Variants in TBC1D23 observed in about 807,000 individuals in gnomAD.
TBC1D23 encodes the protein HCV non-structural protein 4A-transactivated protein 1.
TBC1D23 carries 55 observed loss-of-function variants against 91.4 expected under a neutral mutation model. That is an observed-to-expected ratio of 0.60 (90% CI 0.48 to 0.75). The LOEUF (loss-of-function observed/expected upper bound fraction) is 0.75. Among genes scored for constraint, TBC1D23 ranks in the 30% least tolerant of loss-of-function variants. The probability of loss-of-function intolerance (pLI) is 0.00; values close to 1 mark genes in which losing one functional copy is unlikely to be tolerated. For synonymous variants in TBC1D23, 289 were observed against 281.0 expected, an observed-to-expected ratio of 1.03 and a Z score of -0.28; for missense variants, 725 against 836.1, an observed-to-expected ratio of 0.87 and a Z score of 1.64.
chr3:100,266,030 A>G (rs913709859), intron 1 of TBC1D23, among the ~76,000 whole-genome samples: 1 of 152,154 alleles, frequency 6.6e-6, no homozygotes, highest in Non-Finnish European at 1.5e-5. Flanking sequence ...ATGTAAAAGA[A>G]AAAGGAACTG....
chr3:100,265,676 A>G (rs920602589), intron 1 of TBC1D23, among the ~76,000 whole-genome samples: 2 of 152,198 alleles, frequency 1.3e-5, no homozygotes, highest in South Asian at 2.1e-4. Flanking sequence ...CTTCAATTAT[A>G]TAACTGTTGA....
chr3:100,288,808 A>T (rs1437312809), intron 4 of TBC1D23, among the ~76,000 whole-genome samples: 2 of 152,232 alleles, frequency 1.3e-5, no homozygotes, highest in African/African-American at 4.8e-5. Context: ...GTCTAACTGA[A>T]GATTGAGTTA....
intron 18 of TBC1D23, among the ~76,000 whole-genome samples, chr3:100,321,616 C>T (rs1209290475): frequency 6.6e-6 from 1 of 152,106 alleles, no homozygotes; most frequent in Non-Finnish European, 1.5e-5. Flanking sequence ...TCAAGTTGTT[C>T]CCCCACTGGG....
At position 100,302,143 on chromosome 3, in the gene TBC1D23, G is replaced by T. The variant is rs1234803529; in HGVS notation, c.1169G>T (p.Gly390Val). 1 of 1,614,052 alleles carries T rather than the reference G, an allele frequency of 6.2e-7. No individual in the cohort carries two copies. Among genetic ancestry groups the T allele is most frequent in the Non-Finnish European group, 8.5e-7 (1 of 1,179,942 alleles). ...GCACAGAAGCAGTCCATTGAGTCTG[G>T]CTCCATAGCTGGTGGGGAGCACCTC... is the stretch of plus-strand genomic sequence containing the variant. ...LEAQKQSIESGSIAGGEHLCF... is the reference protein window; with the variant it reads ...LEAQKQSIESVSIAGGEHLCF... The change falls in exon 11 of 19, where the codon GGC becomes GTC. Residue 390 changes from glycine (G) to valine (V), a missense_variant. Coordinates refer to ENST00000394144, the MANE Select transcript of TBC1D23 (RefSeq NM_001199198.3).
intron 15 of TBC1D23, 72 bp from the exon 16 acceptor site, chr3:100,316,019 GAATATTCA>G: frequency 8.7e-7 from 1 of 1,147,886 alleles, no homozygotes; most frequent in Non-Finnish European, 1.3e-6. Flanking sequence ...CATTTTGTGT[GAATATTCA>G]AATGATGCTT....
intron 1 of TBC1D23, among the ~76,000 whole-genome samples, chr3:100,274,573 C>T (rs1004180064): frequency 6.6e-6 from 1 of 151,816 alleles, no homozygotes; most frequent in Non-Finnish European, 1.5e-5. Flanking sequence ...TCCTCATTCT[C>T]CCCTCCCTCT....
chr3:100,316,088 T>A lies in TBC1D23; in HGVS notation c.1599-11T>A. On this transcript the variant is annotated splice_polypyrimidine_tract_variant and intron_variant, in intron 15 of 18. Transcript: ENST00000394144. Reference sequence around the variant, plus strand: ...AGTGATTATTTCTCTCCTAAAATTCTTTGAATATAGGCATGTGAGCAGCAG... The same window carrying A: ...AGTGATTATTTCTCTCCTAAAATTCATTGAATATAGGCATGTGAGCAGCAG... The A allele has an allele frequency of 6.2e-7, 1 of 1,605,476 alleles. No individual in the cohort carries two copies. Among genetic ancestry groups the A allele is most frequent in the Non-Finnish European group, 8.5e-7 (1 of 1,172,176 alleles).
chr3:100,312,672 A>C (rs1166170039), intron 15 of TBC1D23, among the ~76,000 whole-genome samples: 1 of 152,188 alleles, frequency 6.6e-6, no homozygotes, highest in Non-Finnish European at 1.5e-5. Flanking sequence ...TATCAATTAC[A>C]GCAACACCTA....
chr3:100,266,650 A>G (rs926452853), intron 1 of TBC1D23, among the ~76,000 whole-genome samples: 12 of 152,162 alleles, frequency 7.9e-5, no homozygotes, highest in Non-Finnish European at 1.5e-4. Context: ...TGAGTTAGTA[A>G]TTGGTTTTTG....
Position 100,304,854 on chromosome 3 carries a change from A to G in TBC1D23, c.1272A>G (p.Lys424=). ...TTTCTTTTCCATTACAGAAAAACAA[A>G]GAATATGTGAGTATTGCCAGTGGAG... ...MVLAHFLQKN[K]EYVSIASGGF... The change falls in exon 12 of 19, where the codon AAA becomes AAG. Residue 424 remains lysine, a synonymous_variant. Coordinates refer to ENST00000394144, the MANE Select transcript of TBC1D23 (RefSeq NM_001199198.3). 1.3e-6 allele frequency: 2 copies of G among 1,491,732 alleles called. No individual in the cohort carries two copies. Among genetic ancestry groups the G allele is most frequent in the Non-Finnish European group, 9.3e-7 (1 of 1,072,188 alleles). 92.4% of individuals were successfully genotyped at this position (1,491,732 alleles called of 1,614,324 possible).
At chr3:100,281,620 T>G in intron 2 of TBC1D23, 122 bp from the exon 3 acceptor site, 1 of 607,394 alleles carries the variant, frequency 1.6e-6, no homozygotes, top group Non-Finnish European at 2.9e-6. Flanking sequence ...TGGTGGAGTA[T>G]GGATACCTTA....
chr3:100,300,896 T>C (rs948415767), intron 10 of TBC1D23, among the ~76,000 whole-genome samples: 2 of 152,224 alleles, frequency 1.3e-5, no homozygotes, highest in South Asian at 4.1e-4. Flanking sequence ...CACTTGATTT[T>C]TCACGTAACA....
At chr3:100,295,380 C>G (rs910677775) in intron 7 of TBC1D23, 32 bp downstream of exon 7, 1 of 1,559,058 alleles carries the variant, frequency 6.4e-7, no homozygotes, top group African/African-American at 1.4e-5. Flanking sequence ...GAAAACATTT[C>G]AGGTCTCTTT....
Position 100,300,498 on chromosome 3 carries a change from ATT to A in TBC1D23, c.1092+1186_1092+1187del, listed in dbSNP as rs66553332. ...AAGTGATTCATGAATACTTGAATTA[ATT>A]TTTTTTTTTTTTTTTTTTGAGACAG... On this transcript the variant is annotated intron_variant, in intron 10 of 18. Transcript: ENST00000394144. Among the ~76,000 whole-genome samples the A allele has an allele frequency of 1.5e-3, 191 of 125,370 alleles. 1 individual carries two copies. Among genetic ancestry groups the A allele is most frequent in the African/African-American group, 3.6e-3 (122 of 33,742 alleles). 82.2% of individuals were successfully genotyped at this position (125,370 alleles called of 152,430 possible). A position where few individuals can be genotyped will look rare whatever the true frequency, so the allele number is the denominator to read the frequency against.
At chr3:100,261,195 G>A (rs921386924) in intron 1 of TBC1D23, 124 bp downstream of exon 1, 2 of 923,600 alleles carry the variant, frequency 2.2e-6, no homozygotes, top group Non-Finnish European at 3.4e-6. Context: ...GCGAAGTCCG[G>A]TGCCCTGCCC....
chr3:100,293,592 A>G (rs2067811864), intron 5 of TBC1D23, among the ~76,000 whole-genome samples: 1 of 152,190 alleles, frequency 6.6e-6, no homozygotes. Flanking sequence ...GTGTATTGCT[A>G]TTCTGTTTGT....
chr3:100,283,607 A>T lies in TBC1D23; in HGVS notation c.272A>T (p.Asp91Val). ...TIHKDCLQFI[D>V]QLSVPEEKAA... is the part of the protein sequence containing the mutation. ...TTTATTTTTAACATTTATTTTCTAGACCAGCTTTCAGTGCCAGAGGAGAAG... is the reference window on the plus strand; with the variant it reads ...TTTATTTTTAACATTTATTTTCTAGTCCAGCTTTCAGTGCCAGAGGAGAAG... Residue 91 changes from aspartate (D) to valine (V), a missense_variant and splice_region_variant, in exon 4 of 19, where the codon GAC (aspartate) becomes GTC (valine). By Grantham distance (152) the Asp-to-Val change is radical (BLOSUM62 -3). Transcript: ENST00000394144. The T allele has an allele frequency of 6.2e-7, 1 of 1,612,618 alleles. No individual in the cohort carries two copies. The highest frequency in any genetic ancestry group is 1.1e-5 in the South Asian group (1 of 91,012).
In TBC1D23 at chr3:100,277,768, T is replaced by C. The variant is rs560138989; in HGVS notation, c.54-1881T>C. Among the ~76,000 whole-genome samples the C allele has an allele frequency of 1.1e-4, 17 of 152,348 alleles. No homozygotes were observed. In the South Asian group the frequency reaches 3.5e-3, roughly 32 times the overall value. ...AAGATGCCATTAAATTTTCTTTGTT[T>C]CATGGTTACTAACAGCCTGCCTTGT... On this transcript the variant is annotated intron_variant, in intron 1 of 18. Coordinates refer to ENST00000394144, the MANE Select transcript of TBC1D23 (RefSeq NM_001199198.3).
At chr3:100,287,919 TA>T (rs372771436) in intron 4 of TBC1D23, among the ~76,000 whole-genome samples, 2 of 151,662 alleles carry the variant, frequency 1.3e-5, no homozygotes, top group East Asian at 3.9e-4. Flanking sequence ...CTGCCCTGCT[TA>T]AAACACTCCT....
Sources: allele counts gnomAD v4.1 joint callset (sites outside exome capture counted in the v4.1 genomes callset), GRCh38; gene constraint gnomAD v4.1.1; transcripts MANE v1.5; gene names NCBI Gene and HGNC (gene_info 2026-07-23, HGNC 2026-07-21).